Variants in PRICKLE1 observed in about 807,000 individuals in gnomAD.
PRICKLE1 encodes prickle-like protein 1.
Under a neutral mutation model 70.2 loss-of-function variants are expected in PRICKLE1, and 14 were observed. The ratio of observed to expected loss-of-function variants is 0.20; its 90% CI spans 0.13 to 0.31. The LOEUF (loss-of-function observed/expected upper bound fraction) is 0.31. Among genes scored for constraint, PRICKLE1 ranks in the 10% least tolerant of loss-of-function variants. The pLI is 1.00. For missense variants in PRICKLE1, 821 were observed against 1,026.2 expected (o/e 0.80, Z 2.73); for synonymous variants, 357 against 379.9 (o/e 0.94, Z 0.70).
At chr12:42,518,012 C>T (rs1297190942) in intron 1 of PRICKLE1, among the ~76,000 whole-genome samples, 2 of 151,796 alleles carry the variant, frequency 1.3e-5, no homozygotes, top group Non-Finnish European at 2.9e-5. Flanking sequence ...AATTTAAGAC[C>T]CAGTCTAATG....
chr12:42,558,883 A>T (rs1165978575), intron 1 of PRICKLE1, among the ~76,000 whole-genome samples: 1 of 152,208 alleles, frequency 6.6e-6, no homozygotes, highest in Non-Finnish European at 1.5e-5. Flanking sequence ...TAGTCAATCA[A>T]ATAGCAAACA....
At chr12:42,515,525 G>A (rs1428390643) in intron 1 of PRICKLE1, among the ~76,000 whole-genome samples, 11 of 152,118 alleles carry the variant, frequency 7.2e-5, no homozygotes, top group Admixed American at 4.6e-4. Context: ...GAGCCACCGT[G>A]CCCAGCCCCT....
chr12:42,541,844 C>G (rs1186949531), intron 1 of PRICKLE1, among the ~76,000 whole-genome samples: 2 of 152,108 alleles, frequency 1.3e-5, no homozygotes, highest in African/African-American at 2.4e-5. Flanking sequence ...TGAGCATGTT[C>G]ACGTTTAAGA....
chr12:42,479,645 T>G (rs1938716306), intron 1 of PRICKLE1, among the ~76,000 whole-genome samples: 1 of 152,178 alleles, frequency 6.6e-6, no homozygotes, highest in Non-Finnish European at 1.5e-5. Context: ...TTTATTCCAT[T>G]AAAAGCCAGA....
At chr12:42,584,692 C>T (rs1176298826) in intron 1 of PRICKLE1, among the ~76,000 whole-genome samples, 7 of 152,024 alleles carry the variant, frequency 4.6e-5, no homozygotes, top group Non-Finnish European at 7.4e-5. Context: ...TGCTACATGC[C>T]GCCAATATTG....
At chr12:42,582,548 A>G (rs1317404256) in intron 1 of PRICKLE1, among the ~76,000 whole-genome samples, 1 of 152,260 alleles carries the variant, frequency 6.6e-6, no homozygotes, top group East Asian at 1.9e-4. Context: ...TAGTCACAGA[A>G]GAATGTAAAA....
At chr12:42,478,112 CT>C (rs568775656) in intron 1 of PRICKLE1, among the ~76,000 whole-genome samples, 76 of 152,120 alleles carry the variant, frequency 5.0e-4, no homozygotes, top group African/African-American at 1.8e-3. Flanking sequence ...CTCCCTCCCT[CT>C]CCCTCTTTCT....
At chr12:42,516,854 T>C (rs1939620476) in intron 1 of PRICKLE1, among the ~76,000 whole-genome samples, 3 of 152,174 alleles carry the variant, frequency 2.0e-5, no homozygotes, top group African/African-American at 7.2e-5. Context: ...GCTAACCAGA[T>C]TCTTCAGATA....
At position 42,526,948 on chromosome 12, in the gene PRICKLE1, T is replaced by A. The variant is rs115414551; in HGVS notation, c.-48-54384A>T. ...GAGACTATGTATGCTGCTTGAATGA[T>A]ATAGGGGTGACGGTGAGTGGGGCTT... On this transcript the variant is annotated intron_variant, in intron 1 of 7. Coordinates refer to ENST00000345127, the MANE Select transcript of PRICKLE1 (RefSeq NM_153026.3). 4.5e-3 allele frequency among the ~76,000 whole-genome samples: 681 copies of A among 152,124 alleles called. 8 individuals are homozygous for A. Among genetic ancestry groups the A allele is most frequent in the African/African-American group, 0.016 (652 of 41,478 alleles).
At chr12:42,522,692 T>C (rs966699191) in intron 1 of PRICKLE1, among the ~76,000 whole-genome samples, 1 of 152,210 alleles carries the variant, frequency 6.6e-6, no homozygotes, top group African/African-American at 2.4e-5. Context: ...AAATGCACCA[T>C]TGCATCAAAT....
rs1188632309 is a variant in PRICKLE1 at position 42,464,904 on chromosome 12, TC to T, written c.1129del (p.Asp377IlefsTer2). On this transcript the variant is annotated frameshift_variant, in exon 7 of 8. Coordinates refer to ENST00000345127, the MANE Select transcript of PRICKLE1 (RefSeq NM_153026.3). LOFTEE classifies it high-confidence loss of function. The surrounding 1 kb of genome is among the most constrained non-coding windows in gnomAD (Gnocchi z 4.2). ...TGTTCCTTGTCTGGAGAGACTCAGA[TC>T]ATCCAATTTTCGAGAAAGGGTGTCA... is the stretch of plus-strand genomic sequence containing the variant. ...ADDTLSRKLD[D>X]LSLSRQGTSF... 6.2e-7 allele frequency: 1 copy of T among 1,614,050 alleles called. No individual in the cohort carries two copies. The highest frequency in any genetic ancestry group is 8.5e-7 in the Non-Finnish European group (1 of 1,180,044).
At chr12:42,568,922 A>AT (rs1397943733) in intron 1 of PRICKLE1, among the ~76,000 whole-genome samples, 1 of 152,190 alleles carries the variant, frequency 6.6e-6, no homozygotes, top group Non-Finnish European at 1.5e-5. Context: ...ACAAAAAAAA[A>AT]TCCATAATCC....
intron 1 of PRICKLE1, among the ~76,000 whole-genome samples, chr12:42,586,291 A>G (rs1052184748): frequency 2.0e-5 from 3 of 152,190 alleles, no homozygotes; most frequent in African/African-American, 7.2e-5. Context: ...GATGAGAGAG[A>G]CAGCTATTTT....
rs1285641906 is a variant in PRICKLE1 at position 42,458,361 on chromosome 12, T to C, written c.*1448A>G. On this transcript the variant is annotated 3_prime_UTR_variant, in exon 8 of 8. Coordinates refer to ENST00000345127, the MANE Select transcript of PRICKLE1 (RefSeq NM_153026.3). Reference sequence around the variant, plus strand: ...TTTATATTCAGAAAGGTAGTTTTGTTATTTATTAAGTGTTTATTAAATGCC... The same window carrying C: ...TTTATATTCAGAAAGGTAGTTTTGTCATTTATTAAGTGTTTATTAAATGCC... 6.6e-6 allele frequency: 1 copy of C among 152,234 alleles called. No homozygotes were observed. The highest frequency in any genetic ancestry group is 2.4e-5 in the African/African-American group (1 of 41,462). 9.4% of individuals were successfully genotyped at this position (152,234 alleles called of 1,614,324 possible). A position where few individuals can be genotyped will look rare whatever the true frequency, so the allele number is the denominator to read the frequency against.
intron 1 of PRICKLE1, among the ~76,000 whole-genome samples, chr12:42,576,594 G>A (rs1008506658): frequency 1.3e-5 from 2 of 152,186 alleles, no homozygotes; most frequent in African/African-American, 2.4e-5. Flanking sequence ...TCAAACTGGC[G>A]ATTATTAATG....
At chr12:42,477,464 A>ATGTGTGTG (rs1242662444) in intron 1 of PRICKLE1, among the ~76,000 whole-genome samples, 5 of 107,750 alleles carry the variant, frequency 4.6e-5, no homozygotes, top group Non-Finnish European at 6.2e-5. Context: ...ATACGTATAT[A>ATGTGTGTG]TGTGTGTGTG....
At chr12:42,549,035 C>T (rs926728633) in intron 1 of PRICKLE1, among the ~76,000 whole-genome samples, 13 of 143,878 alleles carry the variant, frequency 9.0e-5, no homozygotes, top group South Asian at 2.2e-4. Context: ...AGGAGAATCG[C>T]TTGAACCTGG....
intron 1 of PRICKLE1, among the ~76,000 whole-genome samples, chr12:42,549,184 A>G (rs1189757552): frequency 6.6e-6 from 1 of 151,956 alleles, no homozygotes; most frequent in East Asian, 1.9e-4. Context: ...AAGCTAGGAA[A>G]AAAACCATTA....
intron 1 of PRICKLE1, among the ~76,000 whole-genome samples, chr12:42,531,178 C>T (rs1939911505): frequency 6.6e-6 from 1 of 150,454 alleles, no homozygotes; most frequent in Non-Finnish European, 1.5e-5. Context: ...TCCTGAGTAG[C>T]TGGGACTACA....
Sources: gnomAD v4.1 joint callset for allele counts (sites outside exome capture counted in the v4.1 genomes callset) on GRCh38, gnomAD v4.1.1 for gene constraint, Gnocchi (gnomAD v3.1) non-coding constraint, MANE v1.5 for transcripts, NCBI Gene and HGNC (gene_info 2026-07-23, HGNC 2026-07-21) for gene names.